Variants in EHMT1 observed in about 807,000 individuals in gnomAD.
The protein encoded by EHMT1 is histone-lysine N-methyltransferase EHMT1.
A neutral mutation model predicts 147.2 loss-of-function variants in EHMT1; 15 were observed. The ratio of observed to expected loss-of-function variants is 0.10; its 90% CI spans 0.07 to 0.16. EHMT1 has a LOEUF of 0.16. EHMT1 is among the 10% of genes least tolerant of loss of function. The probability of loss-of-function intolerance (pLI) is 1.00; values close to 1 mark genes in which losing one functional copy is unlikely to be tolerated. For synonymous variants in EHMT1, 795 were observed against 709.6 expected (o/e 1.12, Z -1.91); for missense variants, 1,587 against 1,772.4 (o/e 0.90, Z 1.88).
intron 1 of EHMT1, among the ~76,000 whole-genome samples, chr9:137,627,030 T>G (rs1206675566): frequency 6.6e-6 from 1 of 152,148 alleles, no homozygotes; most frequent in African/African-American, 2.4e-5. Flanking sequence ...CCATCTCAGC[T>G]CACTGTGACC....
chr9:137,760,034 C>T (rs1470888255), intron 9 of EHMT1, among the ~76,000 whole-genome samples: 3 of 152,096 alleles, frequency 2.0e-5, no homozygotes, highest in Non-Finnish European at 2.9e-5. Context: ...CTTGGGCCTG[C>T]CTTATTGAGG....
intron 3 of EHMT1, 185 bp downstream of exon 3, chr9:137,717,367 C>T: frequency 2.5e-6 from 2 of 793,152 alleles, no homozygotes; most frequent in Non-Finnish European, 4.1e-6. Context: ...CTTTGGGAGG[C>T]TGAGGCGGGT....
chr9:137,750,910 A>C (rs574207648), intron 6 of EHMT1, among the ~76,000 whole-genome samples: 1 of 152,158 alleles, frequency 6.6e-6, no homozygotes, highest in Non-Finnish European at 1.5e-5. Context: ...TTTAATAACT[A>C]TGGTTGGGCC....
At chr9:137,805,684 A>G (rs558797323) in intron 18 of EHMT1, among the ~76,000 whole-genome samples, 1 of 148,368 alleles carries the variant, frequency 6.7e-6, no homozygotes, top group East Asian at 2.0e-4. Flanking sequence ...TTTTTTTAAG[A>G]TGGAGTCTTG....
chr9:137,625,992 A>T (rs996267075), intron 1 of EHMT1, among the ~76,000 whole-genome samples: 3 of 150,192 alleles, frequency 2.0e-5, no homozygotes, highest in Admixed American at 2.0e-4. Context: ...AGTAGCTGGA[A>T]TCACAGGCAT....
chr9:137,633,191 G>A (rs1024114204), intron 1 of EHMT1, among the ~76,000 whole-genome samples: 2 of 152,132 alleles, frequency 1.3e-5, no homozygotes, highest in Admixed American at 1.3e-4. Flanking sequence ...CTCTGGGGTG[G>A]TTTATTCCAG....
chr9:137,623,798 A>G (rs1843087027), intron 1 of EHMT1, among the ~76,000 whole-genome samples: 1 of 152,044 alleles, frequency 6.6e-6, no homozygotes. Flanking sequence ...TCATAGCTCC[A>G]ATATCTTTCA....
intron 1 of EHMT1, among the ~76,000 whole-genome samples, chr9:137,696,343 T>C (rs1943393085): frequency 6.6e-6 from 1 of 152,210 alleles, no homozygotes; most frequent in African/African-American, 2.4e-5. Flanking sequence ...CCGTTTGGCA[T>C]TTAAAGTTCC....
chr9:137,658,669 G>A (rs1050251380), intron 1 of EHMT1, among the ~76,000 whole-genome samples: 3 of 151,736 alleles, frequency 2.0e-5, no homozygotes, highest in African/African-American at 7.3e-5. Context: ...CTGGAGTGCA[G>A]TGGTGCGACG....
rs550930107 is a variant in EHMT1 at position 137,742,945 on chromosome 9, G to A, written c.824-426G>A. ...CTGGGCTCTTCCTGCTCCGCGCTGC[G>A]TCCTCCCTGCTGCACATGCTGTTCA... On this transcript the variant is annotated intron_variant, in intron 4 of 26. Coordinates refer to ENST00000460843, the MANE Select transcript of EHMT1 (RefSeq NM_024757.5). 2.9e-5 allele frequency: 8 copies of A among 274,440 alleles called. No individual in the cohort carries two copies. The East Asian group carries it at 3.0e-4, about 10-fold the overall frequency. 17.0% of individuals were successfully genotyped at this position (274,440 alleles called of 1,614,324 possible).
intron 3 of EHMT1, among the ~76,000 whole-genome samples, chr9:137,719,371 G>C (rs902784751): frequency 4.6e-5 from 7 of 152,044 alleles, no homozygotes; most frequent in Admixed American, 2.6e-4. Flanking sequence ...GGCTCCTCAG[G>C]GGGTGGTGGG....
chr9:137,716,545 G>C (rs1945313349), intron 2 of EHMT1, 81 bp from the exon 3 acceptor site: 1 of 1,372,254 alleles, frequency 7.3e-7, no homozygotes, highest in Non-Finnish European at 9.9e-7. Context: ...GTGGTGTCAT[G>C]GTGGGGGAGG....
intron 10 of EHMT1, among the ~76,000 whole-genome samples, chr9:137,769,604 T>C (rs1041755551): frequency 6.6e-6 from 1 of 152,068 alleles, no homozygotes; most frequent in African/African-American, 2.4e-5. Flanking sequence ...TGAACTTGCC[T>C]CTGTTCCTTT....
chr9:137,635,784 C>G (rs572307328), intron 1 of EHMT1, among the ~76,000 whole-genome samples: 1 of 151,376 alleles, frequency 6.6e-6, no homozygotes, highest in Non-Finnish European at 1.5e-5. Flanking sequence ...GGTGCCACTG[C>G]TCTCCAGCCT....
chr9:137,834,239 G>T, intron 25 of EHMT1, 110 bp from the exon 26 acceptor site: 1 of 1,418,318 alleles, frequency 7.1e-7, no homozygotes. Flanking sequence ...CTGCATGGCG[G>T]GCCTGCGCCC....
rs571964733 is a variant in EHMT1 at position 137,782,413 on chromosome 9, G to A, written c.2382+16G>A. ...GCTGGTTCAGGTGCGGCGGCACGGC[G>A]CCCTCCTAGGGCTCTTCACCTGCTC... On this transcript the variant is annotated intron_variant, in intron 15 of 26. Transcript: ENST00000460843. This position sits in a 1 kb window ranked among gnomAD's most constrained non-coding sequence, Gnocchi z 5.7. 80 of 1,595,300 alleles carry A rather than the reference G, an allele frequency of 5.0e-5. 1 individual carries two copies. In the East Asian group the frequency reaches 1.4e-3, roughly 27 times the overall value.
Position 137,776,808 on chromosome 9 carries a change from C to G in EHMT1, c.1982C>G (p.Ser661Trp). 1 of 1,613,954 alleles carries G rather than the reference C, an allele frequency of 6.2e-7. No homozygotes were observed. Among genetic ancestry groups the G allele is most frequent in the Non-Finnish European group, 8.5e-7 (1 of 1,180,012 alleles). ...CCAGTCCCCGGGCAGGAGAAGGGCT[C>G]GGCCCTGGAGGGCAGGGCCGACACC... ...VTPVPGQEKG[S>W]ALEGRADTTT... Residue 661 changes from serine to tryptophan, a missense_variant, in exon 12 of 27, where the codon TCG (serine) becomes TGG (tryptophan). Transcript: ENST00000460843. The surrounding 1 kb of genome is among the most constrained non-coding windows in gnomAD (Gnocchi z 4.4).
At chr9:137,743,876 G>T (rs765851584) in intron 5 of EHMT1, 26 bp from the exon 6 acceptor site, 8 of 1,597,858 alleles carry the variant, frequency 5.0e-6, no homozygotes, top group Non-Finnish European at 6.8e-6. Flanking sequence ...ATCCTGCCTT[G>T]GGGTATACAC....
intron 25 of EHMT1, among the ~76,000 whole-genome samples, chr9:137,827,539 T>C (rs1955890879): frequency 1.3e-5 from 2 of 152,206 alleles, no homozygotes; most frequent in South Asian, 4.1e-4. Flanking sequence ...TCCTGGACCA[T>C]TGCAGTGGGC....
Sources: allele counts gnomAD v4.1 joint callset (sites outside exome capture counted in the v4.1 genomes callset), GRCh38; gene constraint gnomAD v4.1.1; non-coding constraint Gnocchi (gnomAD v3.1); transcripts MANE v1.5; gene names NCBI Gene and HGNC (gene_info 2026-07-23, HGNC 2026-07-21).